The following CBFA2T3 variants were observed in gnomAD, a reference collection of about 807,000 sequenced individuals.
CBFA2T3 encodes transcriptional corepressor CBFA2T3.
CBFA2T3 carries 31 observed loss-of-function variants against 58.6 expected under a neutral mutation model. The ratio of observed to expected loss-of-function variants is 0.53; its 90% CI spans 0.40 to 0.71. CBFA2T3 has a LOEUF of 0.71. Among genes scored for constraint, CBFA2T3 ranks in the 30% least tolerant of loss-of-function variants. The pLI, the probability that CBFA2T3 is intolerant of heterozygous loss-of-function variation, is 0.00. For missense variants in CBFA2T3, 1,076 were observed against 963.1 expected (o/e 1.12, Z -1.55); for synonymous variants, 531 against 421.9 (o/e 1.26, Z -3.17).
chr16:88,883,980 C>T (rs1482347914), intron 7 of CBFA2T3: 1 of 152,272 alleles, frequency 6.6e-6, no homozygotes, highest in Non-Finnish European at 1.5e-5. Flanking sequence ...GAAATGGCTC[C>T]CCCAAATTGC....
At chr16:88,887,445 G>GGCTGGGGCCA (rs1306996230) in intron 5 of CBFA2T3, among the ~76,000 whole-genome samples, 2 of 152,218 alleles carry the variant, frequency 1.3e-5, no homozygotes, top group Admixed American at 6.5e-5. Context: ...ATCCCTGGCT[G>GGCTGGGGCCA]GCTGGGGCCA....
intron 8 of CBFA2T3, among the ~76,000 whole-genome samples, chr16:88,882,447 G>A (rs991148995): frequency 1.3e-5 from 2 of 151,086 alleles, no homozygotes; most frequent in Admixed American, 6.6e-5. Flanking sequence ...GTGGCTGTGT[G>A]CGTGGGCGTG....
At chr16:88,948,546 A>G (rs1971965204) in intron 1 of CBFA2T3, among the ~76,000 whole-genome samples, 2 of 152,234 alleles carry the variant, frequency 1.3e-5, no homozygotes, top group African/African-American at 2.4e-5. Flanking sequence ...GGAACCCTAA[A>G]GCAGAGGGAG....
chr16:88,882,425 CTG>C (rs928261329), intron 8 of CBFA2T3, among the ~76,000 whole-genome samples: 7 of 144,718 alleles, frequency 4.8e-5, no homozygotes, highest in East Asian at 4.0e-4. Flanking sequence ...GTGTGTATGG[CTG>C]TGTGTGGGTG....
intron 5 of CBFA2T3, among the ~76,000 whole-genome samples, chr16:88,889,709 C>A (rs1026133563): frequency 3.3e-5 from 5 of 150,852 alleles, no homozygotes; most frequent in African/African-American, 1.2e-4. Context: ...GACGACACCC[C>A]GCGATTCCTC....
intron 1 of CBFA2T3, among the ~76,000 whole-genome samples, chr16:88,906,996 GGGTAGCACCTGGGGTGGCCGGCTCTGA>G: frequency 6.6e-6 from 1 of 151,402 alleles, no homozygotes; most frequent in East Asian, 2.0e-4. Flanking sequence ...ACAGGGTCTG[GGGTAGCACCTGGGGTGGCCGGCTCTGA>G]GGCATGAGCG....
chr16:88,905,400 G>A lies in CBFA2T3; in HGVS notation c.152-3744C>T, dbSNP rs989063815. On this transcript the variant is annotated intron_variant, in intron 1 of 11. Coordinates refer to ENST00000268679, the MANE Select transcript of CBFA2T3 (RefSeq NM_005187.6). Reference sequence around the variant, plus strand: ...TCACTTCCCCAGGAGAGGCTGCCCCGCCCCCGTGAAGCTCTTCCATCCTTC... The same window carrying A: ...TCACTTCCCCAGGAGAGGCTGCCCCACCCCCGTGAAGCTCTTCCATCCTTC... Among the ~76,000 whole-genome samples, 15 of 151,998 alleles carry A rather than the reference G, an allele frequency of 9.9e-5. No homozygotes were observed. The East Asian group carries it at 2.1e-3, about 22-fold the overall frequency.
intron 1 of CBFA2T3, among the ~76,000 whole-genome samples, chr16:88,908,626 G>C (rs867496121): frequency 6.6e-6 from 1 of 152,228 alleles, no homozygotes; most frequent in African/African-American, 2.4e-5. Flanking sequence ...CAGCCTGGGA[G>C]TTCCAGAACT....
At chr16:88,914,643 AGCCATCAAAGGT>A (rs11270459) in intron 1 of CBFA2T3, among the ~76,000 whole-genome samples, 7,723 of 152,246 alleles carry the variant, frequency 0.051, 605 homozygotes, top group African/African-American at 0.16. Context: ...CAGAGCCCCT[AGCCATCAAAGGT>A]GCCATCAAAG....
chr16:88,915,898 G>A (rs749161393), intron 1 of CBFA2T3, among the ~76,000 whole-genome samples: 6 of 152,062 alleles, frequency 3.9e-5, no homozygotes, highest in African/African-American at 1.4e-4. Flanking sequence ...TCTCAGGAGC[G>A]TCACGGTGCC....
intron 1 of CBFA2T3, chr16:88,939,945 C>T (rs1032443111): frequency 1.3e-5 from 2 of 152,370 alleles, no homozygotes; most frequent in Non-Finnish European, 2.9e-5. Context: ...CGGCCCCCGC[C>T]CCTTATCCCC....
chr16:88,893,731 G>A (rs538397409), intron 3 of CBFA2T3, among the ~76,000 whole-genome samples: 1 of 152,246 alleles, frequency 6.6e-6, no homozygotes, highest in African/African-American at 2.4e-5. Context: ...CCAGGGGCCT[G>A]GCAGACATGG....
At chr16:88,901,988 G>T (rs9935582) in intron 1 of CBFA2T3, among the ~76,000 whole-genome samples, 1 of 152,190 alleles carries the variant, frequency 6.6e-6, no homozygotes, top group Non-Finnish European at 1.5e-5. Context: ...CGAGGCAGCG[G>T]TGCCTTGCTC....
chr16:88,938,201 C>T (rs1386328527), intron 1 of CBFA2T3: 1 of 152,294 alleles, frequency 6.6e-6, no homozygotes, highest in Non-Finnish European at 1.5e-5. Flanking sequence ...GGCTTTTGCA[C>T]CTACAGTGCT....
At chr16:88,886,172 G>T in intron 5 of CBFA2T3, 30 bp from the exon 6 acceptor site, 1 of 1,481,542 alleles carries the variant, frequency 6.7e-7, no homozygotes, top group Non-Finnish European at 9.0e-7. Context: ...GGCCTGGGTA[G>T]CATGCAGGGG....
chr16:88,940,984 A>AGCG, intron 1 of CBFA2T3: 2 of 944,282 alleles, frequency 2.1e-6, no homozygotes, highest in Non-Finnish European at 2.5e-6. Context: ...GTCGGGGTAG[A>AGCG]GCGGCGGCGG....
chr16:88,952,774 C>T lies in CBFA2T3; in HGVS notation c.151+23883G>A, dbSNP rs138250447. On this transcript the variant is annotated intron_variant, in intron 1 of 11. Transcript: ENST00000268679. ...ACGCCTCCCATACCCCCATGACAGCCCATCACAATTGTTCACGGATCTCTG... is the reference window on the plus strand; with the variant it reads ...ACGCCTCCCATACCCCCATGACAGCTCATCACAATTGTTCACGGATCTCTG... Among the ~76,000 whole-genome samples, 1,267 of 152,238 alleles carry T rather than the reference C, an allele frequency of 8.3e-3. 14 individuals carry two copies. Among genetic ancestry groups the T allele is most frequent in the African/African-American group, 0.029 (1,202 of 41,544 alleles).
chr16:88,878,439 C>G (rs555279791), intron 11 of CBFA2T3, among the ~76,000 whole-genome samples: 2 of 152,236 alleles, frequency 1.3e-5, no homozygotes, highest in African/African-American at 4.8e-5. Flanking sequence ...TCCTGGGGCT[C>G]CCCTGGAAAG....
intron 8 of CBFA2T3, 85 bp downstream of exon 8, chr16:88,882,591 C>A (rs1230143857): frequency 1.5e-6 from 1 of 671,482 alleles, no homozygotes; most frequent in Non-Finnish European, 2.3e-6. Context: ...GCTGTGTGTG[C>A]ATGGCTGTGT....
Sources: gnomAD v4.1 joint callset for allele counts (sites outside exome capture counted in the v4.1 genomes callset) on GRCh38, gnomAD v4.1.1 for gene constraint, MANE v1.5 for transcripts, NCBI Gene and HGNC (gene_info 2026-07-23, HGNC 2026-07-21) for gene names.